The following EPB41 variants were observed in gnomAD, a reference collection of about 807,000 sequenced individuals.
The protein encoded by EPB41 is protein 4.1.
In EPB41, 65 loss-of-function variants were observed where a neutral mutation model predicts 108.0. That is an observed-to-expected ratio of 0.60 (90% CI 0.49 to 0.74). EPB41 has a LOEUF of 0.74. EPB41 is among the 30% of genes least tolerant of loss of function. EPB41 has a pLI of 0.00. For synonymous variants in EPB41, 336 were observed against 358.9 expected (o/e 0.94, Z 0.72); for missense variants, 875 against 1,037.0 (o/e 0.84, Z 2.15).
chr1:28,892,093 C>CAAAAAAAAAAAAAA (rs748788169), intron 1 of EPB41, among the ~76,000 whole-genome samples: 1 of 69,810 alleles, frequency 1.4e-5, no homozygotes, highest in Non-Finnish European at 2.6e-5. Context: ...GACTGCATCT[C>CAAAAAAAAAAAAAA]AAAAAAAAAA....
intron 1 of EPB41, among the ~76,000 whole-genome samples, chr1:28,962,737 C>G (rs988368540): frequency 1.7e-4 from 26 of 152,106 alleles, no homozygotes; most frequent in Non-Finnish European, 2.9e-4. Flanking sequence ...GGTTAGAACT[C>G]AGGTCTGTCA....
chr1:29,101,188 C>T (rs1044554497), intron 17 of EPB41, among the ~76,000 whole-genome samples: 7 of 151,226 alleles, frequency 4.6e-5, no homozygotes, highest in African/African-American at 1.7e-4. Context: ...GGCGCCATTG[C>T]ACTCTAGCCT....
chr1:29,085,424 C>A (rs932467784), intron 16 of EPB41, among the ~76,000 whole-genome samples: 1 of 152,042 alleles, frequency 6.6e-6, no homozygotes, highest in African/African-American at 2.4e-5. Flanking sequence ...GGATTACAGG[C>A]GTGAGCCACC....
rs191621966 is a variant in EPB41 at position 28,940,118 on chromosome 1, G to C, written c.-8+25350G>C. 1.1e-4 allele frequency among the ~76,000 whole-genome samples: 16 copies of C among 152,302 alleles called. No homozygotes were observed. The East Asian group carries it at 3.1e-3, about 29-fold the overall frequency. On this transcript the variant is annotated intron_variant, in intron 1 of 20. Transcript: ENST00000343067. ...ATGACTGTAACACTTGATAGGAGGA[G>C]TTGTTGGTAGCCAGCTTTGTAGCCA...
At chr1:29,042,764 A>AC (rs997211931) in intron 11 of EPB41, among the ~76,000 whole-genome samples, 1 of 144,178 alleles carries the variant, frequency 6.9e-6, no homozygotes, top group Non-Finnish European at 1.5e-5. Flanking sequence ...TAGACATGAC[A>AC]CCCCCCAACT....
rs1671511949 is a variant in EPB41 at position 29,119,433 on chromosome 1, C to T, written c.*2621C>T. ...ACTCAGACACACCACAGTAACAACT[C>T]TCGCTGCAATTTTATTTTAATTTGA... On this transcript the variant is annotated 3_prime_UTR_variant, in exon 21 of 21. Coordinates refer to ENST00000343067, the MANE Select transcript of EPB41 (RefSeq NM_001376013.1). 6.6e-6 allele frequency: 1 copy of T among 152,644 alleles called. No homozygotes were observed. 9.5% of individuals were successfully genotyped at this position (152,644 alleles called of 1,614,324 possible). A position where few individuals can be genotyped will look rare whatever the true frequency, so the allele number is the denominator to read the frequency against.
chr1:28,999,299 G>A (rs1036502993), intron 4 of EPB41, among the ~76,000 whole-genome samples: 1 of 152,342 alleles, frequency 6.6e-6, no homozygotes, highest in East Asian at 1.9e-4. Context: ...GAGCCCAGGA[G>A]GGGGCGCTTG....
intron 11 of EPB41, among the ~76,000 whole-genome samples, chr1:29,040,183 C>T (rs1354257054): frequency 6.6e-6 from 1 of 152,024 alleles, no homozygotes; most frequent in Non-Finnish European, 1.5e-5. Flanking sequence ...CAAAGTGAGA[C>T]TCTGTCTCTA....
chr1:29,062,697 C>A (rs1413523651), intron 15 of EPB41, among the ~76,000 whole-genome samples: 2 of 151,384 alleles, frequency 1.3e-5, no homozygotes, highest in Non-Finnish European at 2.9e-5. Flanking sequence ...TCCTACCCCG[C>A]CCCCACTAAT....
intron 1 of EPB41, among the ~76,000 whole-genome samples, chr1:28,922,809 A>G (rs1174367267): frequency 6.6e-6 from 1 of 151,506 alleles, no homozygotes; most frequent in Non-Finnish European, 1.5e-5. Context: ...TGTATTTTTT[A>G]GTAGAGTCGG....
intron 3 of EPB41, 36 bp downstream of exon 3, chr1:28,993,578 T>C: frequency 6.3e-7 from 1 of 1,596,924 alleles, no homozygotes; most frequent in Admixed American, 1.7e-5. Context: ...TCAGAACTCT[T>C]ACAGGTGGTT....
intron 1 of EPB41, among the ~76,000 whole-genome samples, chr1:28,907,922 G>C (rs2091957832): frequency 1.3e-5 from 2 of 151,674 alleles, no homozygotes; most frequent in Admixed American, 1.3e-4. Context: ...CTCCAACCCT[G>C]GCCTCCCAAA....
intron 11 of EPB41, among the ~76,000 whole-genome samples, chr1:29,045,807 T>TGAA (rs1231556827): frequency 3.6e-3 from 370 of 103,776 alleles, no homozygotes; most frequent in African/African-American, 0.011. Context: ...ACCCTGTCTC[T>TGAA]AAAAAAAAAA....
At chr1:28,904,362 T>A (rs1165631152) in intron 1 of EPB41, among the ~76,000 whole-genome samples, 1 of 152,016 alleles carries the variant, frequency 6.6e-6, no homozygotes, top group Non-Finnish European at 1.5e-5. Flanking sequence ...GGTTGAGGAT[T>A]CTTTCTGGTT....
chr1:29,013,855 TA>T (rs199591852), intron 5 of EPB41, among the ~76,000 whole-genome samples: 15,343 of 135,606 alleles, frequency 0.11, 1,121 homozygotes, highest in African/African-American at 0.21. Flanking sequence ...TTTTTTTTTT[TA>T]ATCACACAAG....
chr1:29,065,338 C>T (rs1383638677), intron 16 of EPB41, 180 bp downstream of exon 16: 2 of 1,170,510 alleles, frequency 1.7e-6, no homozygotes, highest in South Asian at 2.2e-5. Context: ...GTCAGGTAGG[C>T]TACCCAGTGC....
intron 1 of EPB41, among the ~76,000 whole-genome samples, chr1:28,940,328 C>T (rs1435005333): frequency 6.6e-6 from 1 of 152,016 alleles, no homozygotes; most frequent in Non-Finnish European, 1.5e-5. Flanking sequence ...TTGAAGTAAC[C>T]AGTTTTGATA....
At chr1:29,046,734 T>C (rs1484416739) in intron 11 of EPB41, among the ~76,000 whole-genome samples, 1 of 152,214 alleles carries the variant, frequency 6.6e-6, no homozygotes, top group African/African-American at 2.4e-5. Context: ...ATTTTAATTG[T>C]GAATTAGTGT....
intron 17 of EPB41, among the ~76,000 whole-genome samples, chr1:29,107,387 G>A (rs1667556925): frequency 1.3e-5 from 2 of 151,978 alleles, no homozygotes; most frequent in African/African-American, 2.4e-5. Flanking sequence ...TAACCTCTCT[G>A]GAGCTCTGTT....
Sources: gnomAD v4.1 joint callset for allele counts (sites outside exome capture counted in the v4.1 genomes callset) on GRCh38, gnomAD v4.1.1 for gene constraint, MANE v1.5 for transcripts, NCBI Gene and HGNC (gene_info 2026-07-23, HGNC 2026-07-21) for gene names.